CNTNAP2: variants seen among roughly 807,000 people sequenced by gnomAD.
CNTNAP2 encodes the protein contactin associated protein 2.
CNTNAP2 carries 98 observed loss-of-function variants against 155.2 expected under a neutral mutation model. The ratio of observed to expected loss-of-function variants is 0.63; its 90% CI spans 0.54 to 0.75. The LOEUF is 0.75. CNTNAP2 is among the 30% of genes least tolerant of loss of function. The probability of loss-of-function intolerance (pLI) is 0.00; values close to 1 mark genes in which losing one functional copy is unlikely to be tolerated. For missense variants in CNTNAP2, 1,727 were observed against 1,688.1 expected (o/e 1.02, Z -0.40); for synonymous variants, 651 against 631.2 (o/e 1.03, Z -0.47).
intron 9 of CNTNAP2, among the ~76,000 whole-genome samples, chr7:147,368,222 A>C (rs1435010717): frequency 6.6e-6 from 1 of 151,854 alleles, no homozygotes; most frequent in East Asian, 1.9e-4. Flanking sequence ...ACCATGTGCT[A>C]GCTACATAGA....
At chr7:146,686,364 A>G (rs1180394309) in intron 1 of CNTNAP2, among the ~76,000 whole-genome samples, 2 of 152,158 alleles carry the variant, frequency 1.3e-5, no homozygotes, top group African/African-American at 4.8e-5. Flanking sequence ...CGTAGCCTGT[A>G]TGTGTTGCGT....
At chr7:146,947,557 G>GTATGTATATATA (rs1797210847) in intron 3 of CNTNAP2, among the ~76,000 whole-genome samples, 4 of 50,714 alleles carry the variant, frequency 7.9e-5, no homozygotes, top group African/African-American at 2.3e-4. Flanking sequence ...GTGTGTGTGT[G>GTATGTATATATA]TATATATATA....
chr7:147,416,280 G>A (rs1797192281), intron 10 of CNTNAP2, among the ~76,000 whole-genome samples: 1 of 152,156 alleles, frequency 6.6e-6, no homozygotes, highest in South Asian at 2.1e-4. Flanking sequence ...TGAAACTCAT[G>A]CGTGATCATG....
chr7:147,689,984 AC>A (rs138142545), intron 13 of CNTNAP2, among the ~76,000 whole-genome samples: 10,964 of 152,094 alleles, frequency 0.072, 629 homozygotes, highest in African/African-American at 0.16. Context: ...TTGAGGAACT[AC>A]GGTGTAGGAA....
In CNTNAP2 at chr7:146,246,632, C is replaced by G. The variant is rs532753900; in HGVS notation, c.97+129659C>G. On this transcript the variant is annotated intron_variant, in intron 1 of 23. Transcript: ENST00000361727. ...GGTCTAGGGGGCTTCCGAGGCGATC[C>G]GACAGCATCAGTCTTCAGCCGCTAA... 1.9e-3 allele frequency among the ~76,000 whole-genome samples: 284 copies of G among 149,380 alleles called. 6 individuals are homozygous for G. The highest frequency in any genetic ancestry group is 6.7e-3 in the African/African-American group (260 of 38,866).
chr7:147,619,648 G>T (rs986164810), intron 12 of CNTNAP2, among the ~76,000 whole-genome samples: 8 of 152,220 alleles, frequency 5.3e-5, no homozygotes, highest in African/African-American at 1.9e-4. Context: ...TTGAGTGACA[G>T]CTCAGCCACA....
chr7:147,003,958 G>A (rs1798476064), intron 3 of CNTNAP2, among the ~76,000 whole-genome samples: 1 of 151,996 alleles, frequency 6.6e-6, no homozygotes, highest in Non-Finnish European at 1.5e-5. Flanking sequence ...CTTAAGCACA[G>A]GAATTAAAAA....
chr7:147,387,975 T>A (rs370313288), intron 9 of CNTNAP2, among the ~76,000 whole-genome samples: 1 of 152,184 alleles, frequency 6.6e-6, no homozygotes, highest in Non-Finnish European at 1.5e-5. Context: ...TACATTCCTG[T>A]TACATGTATT....
intron 20 of CNTNAP2, among the ~76,000 whole-genome samples, chr7:148,231,299 G>T (rs1416404718): frequency 6.6e-6 from 1 of 152,172 alleles, no homozygotes; most frequent in East Asian, 1.9e-4. Context: ...AGCAGCCAGA[G>T]ACCTGCAGAG....
rs181853579 is a variant in CNTNAP2 at position 146,794,295 on chromosome 7, T to G, written c.208+19914T>G. 3.8e-4 allele frequency among the ~76,000 whole-genome samples: 58 copies of G among 152,356 alleles called. 1 individual carries two copies. The highest frequency in any genetic ancestry group is 3.4e-3 in the Middle Eastern group (1 of 294). On this transcript the variant is annotated intron_variant, in intron 2 of 23. Transcript: ENST00000361727. The stretch of plus-strand genomic sequence containing the variant: ...TGAACATTATATGCAACCTTCTGTT[T>G]ATTATCACAGTAAAAAAGTCTGTCC...
chr7:148,159,583 C>G (rs55897101), intron 17 of CNTNAP2, among the ~76,000 whole-genome samples: 1,600 of 152,246 alleles, frequency 0.011, 17 homozygotes, highest in Non-Finnish European at 0.015. Context: ...GCAACTCTGC[C>G]ACCACGAATA....
chr7:147,067,310 AAAAG>A (rs1799801025), intron 4 of CNTNAP2, among the ~76,000 whole-genome samples: 1 of 150,654 alleles, frequency 6.6e-6, no homozygotes, highest in Middle Eastern at 3.2e-3. Flanking sequence ...AAAAAAAAAA[AAAAG>A]GACTAATCCC....
chr7:146,648,459 A>G (rs1016817686), intron 1 of CNTNAP2, among the ~76,000 whole-genome samples: 1 of 152,154 alleles, frequency 6.6e-6, no homozygotes, highest in African/African-American at 2.4e-5. Context: ...AAAGTCTACA[A>G]ACCAGATTTT....
intron 13 of CNTNAP2, among the ~76,000 whole-genome samples, chr7:147,782,089 C>T (rs1015633040): frequency 6.6e-6 from 1 of 151,516 alleles, no homozygotes; most frequent in African/African-American, 2.4e-5. Flanking sequence ...TAAAGGGGGC[C>T]AGGATGTTGA....
At chr7:146,272,474 A>G (rs759902166) in intron 1 of CNTNAP2, among the ~76,000 whole-genome samples, 6 of 152,184 alleles carry the variant, frequency 3.9e-5, no homozygotes, top group Non-Finnish European at 8.8e-5. Flanking sequence ...AAATGATAAT[A>G]TGCCACTTTC....
Position 147,619,836 on chromosome 7 carries a change from G to A in CNTNAP2, c.1898-19270G>A, listed in dbSNP as rs111323663. The stretch of plus-strand genomic sequence containing the variant: ...AACCCCAGAGCCTTGAGCGAACATA[G>A]GCAGCAGCCAGGGAGTGGTTACAGC... On this transcript the variant is annotated intron_variant, in intron 12 of 23. Coordinates refer to ENST00000361727, the MANE Select transcript of CNTNAP2 (RefSeq NM_014141.6). Among the ~76,000 whole-genome samples, 721 of 152,292 alleles carry A rather than the reference G, an allele frequency of 4.7e-3. 10 individuals are homozygous for A. The highest frequency in any genetic ancestry group is 0.015 in the African/African-American group (642 of 41,568).
At chr7:147,629,328 C>G (rs1427217986) in intron 12 of CNTNAP2, among the ~76,000 whole-genome samples, 5 of 151,508 alleles carry the variant, frequency 3.3e-5, no homozygotes, top group Admixed American at 3.3e-4. Flanking sequence ...ACTTAAACCC[C>G]AGAGGCAGAG....
At chr7:146,740,445 C>T (rs1314124729) in intron 1 of CNTNAP2, among the ~76,000 whole-genome samples, 1 of 151,904 alleles carries the variant, frequency 6.6e-6, no homozygotes, top group African/African-American at 2.4e-5. Context: ...TCATGTATTG[C>T]TATTTCTGTA....
At chr7:148,106,999 G>A (rs1804238270) in intron 15 of CNTNAP2, among the ~76,000 whole-genome samples, 1 of 152,040 alleles carries the variant, frequency 6.6e-6, no homozygotes, top group Non-Finnish European at 1.5e-5. Flanking sequence ...ATAAATAATA[G>A]CCCCCCAAAT....
Sources: gnomAD v4.1 joint callset for allele counts (sites outside exome capture counted in the v4.1 genomes callset) on GRCh38, gnomAD v4.1.1 for gene constraint, MANE v1.5 for transcripts, NCBI Gene and HGNC (gene_info 2026-07-23, HGNC 2026-07-21) for gene names.